Variants in UAP1 observed in about 807,000 individuals in gnomAD.
The protein encoded by UAP1 is UDP-N-acetylglucosamine pyrophosphorylase 1.
A neutral mutation model predicts 58.5 loss-of-function variants in UAP1; 25 were observed. That is an observed-to-expected ratio of 0.43 (90% CI 0.31 to 0.60). The LOEUF (loss-of-function observed/expected upper bound fraction) is 0.60. Among genes scored for constraint, UAP1 ranks in the 20% least tolerant of loss-of-function variants. UAP1 has a pLI of 0.11. For missense variants in UAP1, 575 were observed against 630.0 expected (o/e 0.91, Z 0.93); for synonymous variants, 208 against 213.0 (o/e 0.98, Z 0.21).
At chr1:162,592,811 T>G in intron 9 of UAP1, 29 bp downstream of exon 9, 1 of 1,536,996 alleles carries the variant, frequency 6.5e-7, no homozygotes, top group Non-Finnish European at 8.8e-7. Context: ...CTACAGTGCA[T>G]GGTGATGGGG....
intron 2 of UAP1, among the ~76,000 whole-genome samples, chr1:162,572,078 T>C (rs1171673058): frequency 1.3e-5 from 2 of 152,222 alleles, no homozygotes; most frequent in Non-Finnish European, 2.9e-5. Flanking sequence ...TGTGGTTAAA[T>C]AGAGATGAGA....
chr1:162,581,602 C>T (rs552145406), intron 5 of UAP1, 143 bp downstream of exon 5: 16 of 785,020 alleles, frequency 2.0e-5, no homozygotes, highest in Non-Finnish European at 3.0e-5. Flanking sequence ...CGGTCCCACA[C>T]CCACTTTTTT....
At chr1:162,583,779 C>T (rs1467816356) in intron 5 of UAP1, among the ~76,000 whole-genome samples, 1 of 152,048 alleles carries the variant, frequency 6.6e-6, no homozygotes, top group East Asian at 1.9e-4. Flanking sequence ...AGGCGTGCAC[C>T]ACCACACCTG....
chr1:162,569,527 A>G (rs1227255950), intron 2 of UAP1, among the ~76,000 whole-genome samples: 2 of 152,250 alleles, frequency 1.3e-5, no homozygotes, highest in African/African-American at 4.8e-5. Context: ...TTGAAAGAGA[A>G]GTAATTATAA....
exon 7 of UAP1, chr1:162,588,759 A>G (rs1190966862): frequency 1.9e-6 from 3 of 1,612,808 alleles, no homozygotes; most frequent in Admixed American, 1.7e-5. Flanking sequence ...ATACCCAAGG[A>G]CAGTTAATTA....
At chr1:162,579,829 C>G (rs1654472471) in intron 4 of UAP1, among the ~76,000 whole-genome samples, 1 of 152,032 alleles carries the variant, frequency 6.6e-6, no homozygotes, top group Non-Finnish European at 1.5e-5. Context: ...GAGGAGCATT[C>G]AGGGTATTCT....
chr1:162,566,306 G>C, exon 2 of UAP1: 2 of 1,614,150 alleles, frequency 1.2e-6, no homozygotes, highest in Non-Finnish European at 1.7e-6. Context: ...ATTAGGCAGT[G>C]CTACAAGGGA....
At chr1:162,596,276 A>T (rs976767218) in intron 9 of UAP1, among the ~76,000 whole-genome samples, 1 of 151,850 alleles carries the variant, frequency 6.6e-6, no homozygotes, top group African/African-American at 2.4e-5. Context: ...CTTGGGTTCT[A>T]GCGATTCTCC....
At chr1:162,583,324 T>G (rs561941410) in intron 5 of UAP1, among the ~76,000 whole-genome samples, 1 of 151,946 alleles carries the variant, frequency 6.6e-6, no homozygotes, top group South Asian at 2.1e-4. Flanking sequence ...AGATAATTTT[T>G]TTGTATTTTT....
At position 162,576,851 on chromosome 1, in the gene UAP1, G is replaced by A. The variant is rs778554818; in HGVS notation, c.355G>A (p.Ala119Thr). The A allele has an allele frequency of 1.9e-6, 3 of 1,614,032 alleles. No homozygotes were observed. The African/African-American group carries it at 4.0e-5, about 22-fold the overall frequency. ...TGGGCAGGGGACAAGACTCGGCGTT[G>A]CATATCCTAAGGGGATGTATGATGT... The change falls in exon 3 of 11, where the codon GCA becomes ACA. Residue 119 changes from alanine to threonine, a missense_variant. Coordinates refer to ENST00000271469, the Ensembl canonical transcript of UAP1.
At chr1:162,597,687 A>G in intron 9 of UAP1, 105 bp from the exon 10 acceptor site, 1 of 851,706 alleles carries the variant, frequency 1.2e-6, no homozygotes, top group East Asian at 2.5e-5. Context: ...TTTAACTGGA[A>G]GAATTATCTG....
At chr1:162,571,695 G>A (rs1653874764) in intron 2 of UAP1, among the ~76,000 whole-genome samples, 1 of 152,156 alleles carries the variant, frequency 6.6e-6, no homozygotes, top group African/African-American at 2.4e-5. Context: ...TATGACAAAA[G>A]CAGTCCCAAA....
At chr1:162,566,091 T>C in exon 2 of UAP1, 3 of 1,612,290 alleles carry the variant, frequency 1.9e-6, no homozygotes, top group South Asian at 2.2e-5. Context: ...GACCTCAAAC[T>C]CACGTTGTCC....
exon 4 of UAP1, chr1:162,579,436 T>C (rs766148635): frequency 1.3e-6 from 2 of 1,570,794 alleles, no homozygotes; most frequent in East Asian, 4.5e-5. Flanking sequence ...AGGTATATAA[T>C]GACCAGTGGC....
At chr1:162,573,412 A>C (rs1343497553) in intron 2 of UAP1, among the ~76,000 whole-genome samples, 1 of 152,284 alleles carries the variant, frequency 6.6e-6, no homozygotes, top group African/African-American at 2.4e-5. Context: ...CATTATCTCT[A>C]AAGTGGTGAA....
intron 5 of UAP1, among the ~76,000 whole-genome samples, chr1:162,583,083 T>C (rs1654690782): frequency 6.6e-6 from 1 of 151,414 alleles, no homozygotes. Flanking sequence ...GTTCAGTGAT[T>C]CTCCTGCCTC....
chr1:162,581,623 G>A (rs759505421), intron 5 of UAP1, among the ~76,000 whole-genome samples, 164 bp downstream of exon 5: 3 of 152,032 alleles, frequency 2.0e-5, no homozygotes, highest in Non-Finnish European at 4.4e-5. Context: ...TCTTAAATTG[G>A]CAAGACTTGA....
chr1:162,569,931 T>C (rs1317700468), intron 2 of UAP1, among the ~76,000 whole-genome samples: 1 of 152,058 alleles, frequency 6.6e-6, no homozygotes, highest in African/African-American at 2.4e-5. Context: ...AGGAGGATCA[T>C]GAGGTCAGGA....
At chr1:162,588,513 T>C (rs746636682) in intron 6 of UAP1, among the ~76,000 whole-genome samples, 180 bp from the exon 7 acceptor site, 14 of 152,194 alleles carry the variant, frequency 9.2e-5, no homozygotes, top group Non-Finnish European at 1.8e-4. Context: ...TTTTTAAATA[T>C]AAAGAGATGA....
Sources: gnomAD v4.1 joint callset for allele counts (sites outside exome capture counted in the v4.1 genomes callset) on GRCh38, gnomAD v4.1.1 for gene constraint, MANE v1.5 for transcripts, NCBI Gene and HGNC (gene_info 2026-07-23, HGNC 2026-07-21) for gene names.